Variants in CCSER1 observed in about 807,000 individuals in gnomAD.
The protein encoded by CCSER1 is coiled-coil serine rich protein 1, also known as serine-rich coiled-coil domain-containing protein 1.
A neutral mutation model predicts 82.0 loss-of-function variants in CCSER1; 41 were observed. The observed-to-expected ratio is 0.50, with a 90% CI of 0.39 to 0.65. The LOEUF is 0.65. Among genes scored for constraint, CCSER1 ranks in the 30% least tolerant of loss-of-function variants. The probability of loss-of-function intolerance (pLI) is 0.00; values close to 1 mark genes in which losing one functional copy is unlikely to be tolerated. For missense variants in CCSER1, 1,119 were observed against 1,064.2 expected (o/e 1.05, Z -0.72); for synonymous variants, 414 against 383.9 (o/e 1.08, Z -0.92).
intron 8 of CCSER1, among the ~76,000 whole-genome samples, chr4:90,845,566 A>G (rs1763126087): frequency 6.6e-6 from 1 of 152,122 alleles, no homozygotes; most frequent in Non-Finnish European, 1.5e-5. Flanking sequence ...TGTTAAAACT[A>G]TAGTGCCTGC....
chr4:90,419,318 C>A (rs532464391), intron 4 of CCSER1, among the ~76,000 whole-genome samples: 1 of 151,796 alleles, frequency 6.6e-6, no homozygotes, highest in Non-Finnish European at 1.5e-5. Flanking sequence ...GTTCTTCTAA[C>A]GATGATAGTA....
Position 91,554,295 on chromosome 4 carries a change from C to A in CCSER1, c.2218-44277C>A, listed in dbSNP as rs919576832. Reference sequence around the variant, plus strand: ...AAACTTGTTAAAGCTTTTCCTGTGGCCTAATATATGATCTATCCTGGAGAG... The same window carrying A: ...AAACTTGTTAAAGCTTTTCCTGTGGACTAATATATGATCTATCCTGGAGAG... On this transcript the variant is annotated intron_variant, in intron 10 of 10. Coordinates refer to ENST00000509176, the MANE Select transcript of CCSER1 (RefSeq NM_001145065.2). Among the ~76,000 whole-genome samples, 9 of 151,086 alleles carry A rather than the reference C, an allele frequency of 6.0e-5. 1 individual carries two copies. Among genetic ancestry groups the A allele is most frequent in the African/African-American group, 2.2e-4 (9 of 41,146 alleles).
In CCSER1 at chr4:90,467,555, C is replaced by T. The variant is rs564786186; in HGVS notation, c.1604-679C>T. ...AAAAATTAGCTGACACGGTGGCGGG[C>T]GCCTGTAATCCTAGCTACTCGGGAG... On this transcript the variant is annotated intron_variant, in intron 4 of 10. Transcript: ENST00000509176. Among the ~76,000 whole-genome samples the T allele has an allele frequency of 7.9e-5, 12 of 151,796 alleles. No homozygotes were observed. The South Asian group carries it at 1.9e-3, about 24-fold the overall frequency.
chr4:90,749,257 G>C (rs1465270423), intron 7 of CCSER1, among the ~76,000 whole-genome samples: 1 of 151,836 alleles, frequency 6.6e-6, no homozygotes, highest in Admixed American at 6.6e-5. Flanking sequence ...TCTACATGTG[G>C]CTAGCCAGTT....
At chr4:90,153,190 C>T (rs1165397675) in intron 1 of CCSER1, among the ~76,000 whole-genome samples, 3 of 151,886 alleles carry the variant, frequency 2.0e-5, no homozygotes, top group Non-Finnish European at 4.4e-5. Context: ...CCAATTTCAT[C>T]CATGTCCCTA....
chr4:90,709,948 T>G, intron 6 of CCSER1, among the ~76,000 whole-genome samples: 1 of 148,268 alleles, frequency 6.7e-6, no homozygotes, highest in Non-Finnish European at 1.5e-5. Flanking sequence ...CAGCATCTGT[T>G]TTTTTTTTTT....
At chr4:90,384,494 A>T (rs956096143) in intron 3 of CCSER1, among the ~76,000 whole-genome samples, 3 of 151,978 alleles carry the variant, frequency 2.0e-5, no homozygotes, top group Admixed American at 1.3e-4. Flanking sequence ...GTTAGGATCC[A>T]TTTAGAAAAT....
In CCSER1 at chr4:90,824,568, C is replaced by A. The variant is rs141893676; in HGVS notation, c.2094+8723C>A. 4.6e-4 allele frequency among the ~76,000 whole-genome samples: 70 copies of A among 152,066 alleles called. 1 individual carries two copies. In the East Asian group the frequency reaches 0.011, roughly 24 times the overall value. ...AATTCAAATTGAATAAAATGGTATG[C>A]CCTTGATACTTTAATAACAGAATAA... On this transcript the variant is annotated intron_variant, in intron 8 of 10. Coordinates refer to ENST00000509176, the MANE Select transcript of CCSER1 (RefSeq NM_001145065.2).
At chr4:91,243,558 A>G (rs1442089511) in intron 10 of CCSER1, among the ~76,000 whole-genome samples, 1 of 151,610 alleles carries the variant, frequency 6.6e-6, no homozygotes, top group Admixed American at 6.6e-5. Flanking sequence ...ACTTTGTCTT[A>G]TGTGTTAGAT....
chr4:91,156,006 C>T (rs983634571), intron 10 of CCSER1, among the ~76,000 whole-genome samples: 1 of 151,080 alleles, frequency 6.6e-6, no homozygotes, highest in South Asian at 2.1e-4. Context: ...TTATTAAGAC[C>T]CTATGTTTTA....
intron 1 of CCSER1, among the ~76,000 whole-genome samples, chr4:90,304,137 G>A (rs1266031391): frequency 6.6e-6 from 1 of 152,100 alleles, no homozygotes; most frequent in Non-Finnish European, 1.5e-5. Flanking sequence ...TCATTAAAAA[G>A]TCAGGAAACA....
intron 10 of CCSER1, among the ~76,000 whole-genome samples, chr4:91,218,276 C>T (rs1737449064): frequency 6.6e-6 from 1 of 152,114 alleles, no homozygotes; most frequent in Non-Finnish European, 1.5e-5. Flanking sequence ...CGGGGCCCAC[C>T]AAGCCCACAC....
At chr4:90,889,777 T>C (rs1042165200) in intron 8 of CCSER1, among the ~76,000 whole-genome samples, 21 of 152,302 alleles carry the variant, frequency 1.4e-4, no homozygotes, top group African/African-American at 4.6e-4. Flanking sequence ...TCTAACAAGA[T>C]ATATGTGTAT....
intron 1 of CCSER1, among the ~76,000 whole-genome samples, chr4:90,304,350 T>C (rs1391227846): frequency 6.6e-6 from 1 of 152,182 alleles, no homozygotes. Flanking sequence ...CATGCACACG[T>C]ATGTTTATTG....
intron 6 of CCSER1, among the ~76,000 whole-genome samples, chr4:90,657,588 A>G (rs902856313): frequency 2.6e-5 from 4 of 152,100 alleles, no homozygotes; most frequent in South Asian, 2.1e-4. Flanking sequence ...CCATGTTTCA[A>G]TCAGAGAATT....
chr4:91,496,842 T>A lies in CCSER1; in HGVS notation c.2218-101730T>A, dbSNP rs191725889. On this transcript the variant is annotated intron_variant, in intron 10 of 10. Coordinates refer to ENST00000509176, the MANE Select transcript of CCSER1 (RefSeq NM_001145065.2). Reference sequence around the variant, plus strand: ...ATATATATTGAATATATATTGAATATATATATATTCAAATATATATTGAAT... The same window carrying A: ...ATATATATTGAATATATATTGAATAAATATATATTCAAATATATATTGAAT... 1.4e-3 allele frequency among the ~76,000 whole-genome samples: 177 copies of A among 129,644 alleles called. 16 individuals carry two copies. The highest frequency in any genetic ancestry group is 2.0e-3 in the African/African-American group (68 of 34,526). 85.1% of individuals were successfully genotyped at this position (129,644 alleles called of 152,430 possible).
At position 90,847,124 on chromosome 4, in the gene CCSER1, C is replaced by T. The variant is rs1304019846; in HGVS notation, c.2094+31279C>T. On this transcript the variant is annotated intron_variant, in intron 8 of 10. Transcript: ENST00000509176. ...ATTACAAAGGCTTTATTCATTCATT[C>T]GTTTAATTATTAATGTATTAACCAA... 5.9e-5 allele frequency among the ~76,000 whole-genome samples: 9 copies of T among 152,222 alleles called. No homozygotes were observed. The South Asian group carries it at 1.5e-3, about 25-fold the overall frequency.
intron 1 of CCSER1, among the ~76,000 whole-genome samples, chr4:90,177,885 G>T (rs1473331406): frequency 6.6e-6 from 1 of 152,042 alleles, no homozygotes; most frequent in Non-Finnish European, 1.5e-5. Flanking sequence ...GGCAAATACA[G>T]GTTGAATGTC....
intron 10 of CCSER1, among the ~76,000 whole-genome samples, chr4:91,514,858 G>T (rs932165338): frequency 1.3e-5 from 2 of 152,170 alleles, no homozygotes; most frequent in African/African-American, 4.8e-5. Flanking sequence ...TAAGCAGGAA[G>T]AATTCTCTTT....
Sources: gnomAD v4.1 joint callset for allele counts (sites outside exome capture counted in the v4.1 genomes callset) on GRCh38, gnomAD v4.1.1 for gene constraint, MANE v1.5 for transcripts, NCBI Gene and HGNC (gene_info 2026-07-23, HGNC 2026-07-21) for gene names.